SFI1: variants seen among roughly 807,000 people sequenced by gnomAD.
The protein encoded by SFI1 is SFI1 centrin binding protein.
A neutral mutation model predicts 207.5 loss-of-function variants in SFI1; 195 were observed. That is an observed-to-expected ratio of 0.94 (90% CI 0.84 to 1.06). The LOEUF is 1.06. SFI1 is among the 50% of genes least tolerant of loss of function. The pLI is 0.00. For synonymous variants in SFI1, 630 were observed against 598.9 expected, an observed-to-expected ratio of 1.05 and a Z score of -0.76; for missense variants, 1,634 against 1,588.0, an observed-to-expected ratio of 1.03 and a Z score of -0.49.
intron 15 of SFI1, among the ~76,000 whole-genome samples, chr22:31,600,250 A>C (rs1454144786): frequency 6.6e-6 from 1 of 152,180 alleles, no homozygotes. Flanking sequence ...GAAGAAAAAA[A>C]TTCAGCCTCT....
chr22:31,613,643 G>A lies in SFI1; in HGVS notation c.2784G>A (p.Thr928=), dbSNP rs754655323. ...SLHRAVRRCA[T]LWKQKVLGRG... is the part of the protein sequence containing the mutation. Reference sequence around the variant, plus strand: ...ATCGTGCCGTCCGCCGCTGTGCCACGCTCTGGAAACAGAAAGTGCTGGGCC... The same window carrying A: ...ATCGTGCCGTCCGCCGCTGTGCCACACTCTGGAAACAGAAAGTGCTGGGCC... Residue 928 remains threonine, a synonymous_variant, in exon 27 of 33, where the codon ACG becomes ACA. Coordinates refer to ENST00000400288, the MANE Select transcript of SFI1 (RefSeq NM_001007467.3). 3.1e-6 allele frequency: 5 copies of A among 1,601,704 alleles called. No homozygotes were observed. The highest frequency in any genetic ancestry group is 4.3e-6 in the Non-Finnish European group (5 of 1,172,248).
chr22:31,519,437 A>AT (rs756071630), intron 2 of SFI1, among the ~76,000 whole-genome samples: 1,479 of 137,430 alleles, frequency 0.011, 15 homozygotes, highest in Non-Finnish European at 0.013. Flanking sequence ...CATCTGGCTA[A>AT]TTTTTTTTTT....
At chr22:31,499,241 C>T (rs2053297060) in intron 1 of SFI1, among the ~76,000 whole-genome samples, 1 of 152,054 alleles carries the variant, frequency 6.6e-6, no homozygotes, top group South Asian at 2.1e-4. Flanking sequence ...CTCAAGCAGT[C>T]CTCCTGCCTT....
At chr22:31,583,066 G>C (rs1009025056) in intron 12 of SFI1, among the ~76,000 whole-genome samples, 1 of 152,090 alleles carries the variant, frequency 6.6e-6, no homozygotes, top group African/African-American at 2.4e-5. Context: ...TAGGACTACA[G>C]GTGCATACCA....
intron 12 of SFI1, among the ~76,000 whole-genome samples, chr22:31,581,310 T>C (rs557929237): frequency 2.5e-4 from 37 of 146,666 alleles, no homozygotes; most frequent in Admixed American, 2.0e-3. Context: ...TGAGACAGGG[T>C]CTTGCTCTGT....
chr22:31,611,327 C>T (rs2070089980), intron 23 of SFI1, 24 bp downstream of exon 23: 10 of 1,565,522 alleles, frequency 6.4e-6, no homozygotes, highest in South Asian at 1.2e-5. Flanking sequence ...TGGCAACTCT[C>T]CAAGTTCTGC....
At chr22:31,531,893 C>CAAA (rs747573343) in intron 4 of SFI1, among the ~76,000 whole-genome samples, 4 of 111,754 alleles carry the variant, frequency 3.6e-5, no homozygotes, top group Non-Finnish European at 5.7e-5. Context: ...AAGTCCCTCT[C>CAAA]AAAAAAAAAA....
chr22:31,513,848 G>T (rs980303248), intron 2 of SFI1, among the ~76,000 whole-genome samples: 1 of 103,870 alleles, frequency 9.6e-6, no homozygotes. Flanking sequence ...CAAAGTGCTG[G>T]GATTACAGGC....
chr22:31,601,345 G>A (rs559366626), intron 15 of SFI1, among the ~76,000 whole-genome samples: 5 of 151,988 alleles, frequency 3.3e-5, no homozygotes, highest in African/African-American at 4.8e-5. Context: ...GGATGGTCTC[G>A]ATCTCCTGAC....
intron 24 of SFI1, chr22:31,612,413 A>C (rs1466485738): frequency 1.6e-5 from 2 of 126,734 alleles, no homozygotes; most frequent in East Asian, 5.5e-4. Context: ...ATATATATAT[A>C]TATATATATA....
chr22:31,560,564 G>A (rs1265747916), intron 7 of SFI1, among the ~76,000 whole-genome samples: 2 of 151,746 alleles, frequency 1.3e-5, no homozygotes, highest in Non-Finnish European at 2.9e-5. Context: ...ACCATGTCCA[G>A]CTAATTTTTT....
chr22:31,516,910 C>T (rs1430550807), intron 2 of SFI1, among the ~76,000 whole-genome samples: 2 of 150,928 alleles, frequency 1.3e-5, no homozygotes, highest in East Asian at 1.9e-4. Context: ...GCCGAGATTG[C>T]GCCATTGCAC....
intron 15 of SFI1, among the ~76,000 whole-genome samples, chr22:31,599,180 A>G (rs1012044885): frequency 1.3e-5 from 2 of 151,778 alleles, no homozygotes; most frequent in African/African-American, 4.8e-5. Context: ...ATATTTTCCT[A>G]TATTTTATCT....
chr22:31,537,464 A>G (rs536586860), intron 4 of SFI1, among the ~76,000 whole-genome samples: 45 of 152,300 alleles, frequency 3.0e-4, no homozygotes, highest in Middle Eastern at 6.8e-3. Context: ...AACCTGCTAC[A>G]TTGCTTTAAA....
intron 18 of SFI1, 62 bp downstream of exon 18, chr22:31,603,881 G>A: frequency 6.8e-7 from 1 of 1,477,164 alleles, no homozygotes; most frequent in African/African-American, 1.4e-5. Context: ...CTGTGTGTCA[G>A]CAGGACTCAC....
Position 31,561,408 on chromosome 22 carries a change from G to A in SFI1, c.765+16G>A, listed in dbSNP as rs776675661. ...CCAGGTGCAGGTGAGTCCAGCAGAC[G>A]TGGGATTTGGCATCCTCTGTCAGTG... On this transcript the variant is annotated intron_variant, in intron 8 of 32. Coordinates refer to ENST00000400288, the MANE Select transcript of SFI1 (RefSeq NM_001007467.3). 6 of 1,605,612 alleles carry A rather than the reference G, an allele frequency of 3.7e-6. No individual in the cohort carries two copies. The highest frequency in any genetic ancestry group is 4.5e-5 in the East Asian group (2 of 44,688).
rs774203373 is a variant in SFI1, at chr22:31,613,690, T to C, written c.2831T>C (p.Leu944Pro). Residue 944 changes from leucine to proline, a missense_variant, in exon 27 of 33, where the codon CTG becomes CCG. Transcript: ENST00000400288. ...GGCCGGGGCGGGAAGCCTCAGCCCC[T>C]GGCAGCCATCGCACCCAGCAGGAAA... Reference protein sequence around the residue: ...VLGRGGKPQPLAAIAPSRKVT... With the variant: ...VLGRGGKPQPPAAIAPSRKVT... 6.2e-7 allele frequency: 1 copy of C among 1,611,684 alleles called. No homozygotes were observed. Among genetic ancestry groups the C allele is most frequent in the Non-Finnish European group, 8.5e-7 (1 of 1,178,976 alleles).
At chr22:31,557,133 G>C in intron 7 of SFI1, 74 bp downstream of exon 7, 1 of 866,938 alleles carries the variant, frequency 1.2e-6, no homozygotes, top group Non-Finnish European at 1.8e-6. Flanking sequence ...CTGGAAAACA[G>C]CATAAAACCT....
intron 21 of SFI1, 109 bp downstream of exon 21, chr22:31,606,539 T>A: frequency 1.3e-6 from 1 of 793,892 alleles, no homozygotes; most frequent in Non-Finnish European, 2.0e-6. Context: ...ATAAGGAACC[T>A]AGAAAATGGG....
Sources: allele counts gnomAD v4.1 joint callset (sites outside exome capture counted in the v4.1 genomes callset), GRCh38; gene constraint gnomAD v4.1.1; transcripts MANE v1.5; gene names NCBI Gene and HGNC (gene_info 2026-07-23, HGNC 2026-07-21).